The following ADAM28 variants were observed in gnomAD, a reference collection of about 807,000 sequenced individuals.
ADAM28 encodes the protein ADAM metallopeptidase domain 28, also known as disintegrin and metalloproteinase domain-containing protein 28.
A neutral mutation model predicts 101.2 loss-of-function variants in ADAM28; 105 were observed. The observed-to-expected ratio is 1.04, with a 90% CI of 0.89 to 1.22. The LOEUF (loss-of-function observed/expected upper bound fraction) is 1.22. Ranked by LOEUF, ADAM28 falls within the 50% of genes most tolerant of loss-of-function variation. The pLI is 0.00. For missense variants in ADAM28, 1,028 were observed against 945.4 expected (o/e 1.09, Z -1.15); for synonymous variants, 322 against 310.6 (o/e 1.04, Z -0.39).
chr8:24,336,618 A>T lies in ADAM28; in HGVS notation c.1567+977A>T, dbSNP rs572342312. Among the ~76,000 whole-genome samples the T allele has an allele frequency of 9.9e-5, 15 of 151,676 alleles. No homozygotes were observed. In the South Asian group the frequency reaches 3.1e-3, roughly 32 times the overall value. On this transcript the variant is annotated intron_variant, in intron 14 of 22. Transcript: ENST00000265769. ...AAAAAAAGAAAAAAAAAGAAAAATA[A>T]CTTTATTAGAAAGTCAATTTTAGAT...
rs1479237653 is a variant in ADAM28 at position 24,343,191 on chromosome 8, G to C, written c.1911+10G>C. 2 of 1,612,908 alleles carry C rather than the reference G, an allele frequency of 1.2e-6. No individual in the cohort carries two copies. The highest frequency in any genetic ancestry group is 1.7e-6 in the Non-Finnish European group (2 of 1,179,028). Reference sequence around the variant, plus strand: ...GTGCAAAGGACATGCTGTAAGTTCTGAAAATATGTTTCCCTAAGCTCTCTG... The same window carrying C: ...GTGCAAAGGACATGCTGTAAGTTCTCAAAATATGTTTCCCTAAGCTCTCTG... On this transcript the variant is annotated intron_variant, in intron 17 of 22. Transcript: ENST00000265769.
chr8:24,350,610 C>T lies in ADAM28; in HGVS notation c.2100-622C>T, dbSNP rs867753095. On this transcript the variant is annotated intron_variant, in intron 19 of 22. Coordinates refer to ENST00000265769, the MANE Select transcript of ADAM28 (RefSeq NM_014265.6). ...ACAGGTGTGAGTCTCCACACCCGGC[C>T]GTGTGCTAAGCCCTTTTATATCTAT... Among the ~76,000 whole-genome samples, 6 of 152,242 alleles carry T rather than the reference C, an allele frequency of 3.9e-5. No individual in the cohort carries two copies. In the South Asian group the frequency reaches 8.3e-4, roughly 21 times the overall value.
chr8:24,303,382 C>T (rs2129242813), intron 2 of ADAM28, among the ~76,000 whole-genome samples: 1 of 152,200 alleles, frequency 6.6e-6, no homozygotes, highest in Non-Finnish European at 1.5e-5. Context: ...CTCCCAGTAC[C>T]ATTTATTAAA....
intron 1 of ADAM28, among the ~76,000 whole-genome samples, chr8:24,297,360 A>G (rs1563258844): frequency 6.6e-6 from 1 of 152,192 alleles, no homozygotes; most frequent in Non-Finnish European, 1.5e-5. Flanking sequence ...GTCAGGGTGC[A>G]TGTGAGAGAA....
At chr8:24,343,010 AAC>A in intron 16 of ADAM28, 89 bp from the exon 17 acceptor site, 1 of 1,572,174 alleles carries the variant, frequency 6.4e-7, no homozygotes, top group South Asian at 1.2e-5. Flanking sequence ...AGCCACCTTA[AAC>A]AACATCTGCT....
chr8:24,351,200 G>A lies in ADAM28; in HGVS notation c.2100-32G>A, dbSNP rs1286488969. 5 of 1,491,896 alleles carry A rather than the reference G, an allele frequency of 3.4e-6. No homozygotes were observed. In the African/African-American group the frequency reaches 7.2e-5, roughly 21 times the overall value. 92.4% of individuals were successfully genotyped at this position (1,491,896 alleles called of 1,614,324 possible). ...CCTGTCATGCTGAAGGAGCTGCTAA[G>A]TCAATTGATATCATGTGTTTCTCTC... On this transcript the variant is annotated intron_variant, in intron 19 of 22. Coordinates refer to ENST00000265769, the MANE Select transcript of ADAM28 (RefSeq NM_014265.6).
At chr8:24,306,368 ATAT>A (rs1809659240) in intron 2 of ADAM28, among the ~76,000 whole-genome samples, 1 of 137,140 alleles carries the variant, frequency 7.3e-6, no homozygotes, top group African/African-American at 2.8e-5. Flanking sequence ...AAATAAATAT[ATAT>A]ATATATATAT....
chr8:24,344,650 T>C (rs942654685), intron 18 of ADAM28, among the ~76,000 whole-genome samples: 7 of 152,320 alleles, frequency 4.6e-5, no homozygotes, highest in African/African-American at 1.7e-4. Context: ...CCTATGATTT[T>C]ATTATATACA....
intron 12 of ADAM28, 65 bp from the exon 13 acceptor site, chr8:24,332,595 C>A: frequency 2.3e-6 from 2 of 876,006 alleles, no homozygotes; most frequent in Non-Finnish European, 3.4e-6. Flanking sequence ...TAGTATGTTA[C>A]AAATTGTGCT....
At chr8:24,351,111 A>G in intron 19 of ADAM28, 121 bp from the exon 20 acceptor site, 1 of 736,230 alleles carries the variant, frequency 1.4e-6, no homozygotes, top group Non-Finnish European at 2.1e-6. Context: ...GCAGATAAAA[A>G]CCCAGGCAAT....
At chr8:24,350,605 C>A (rs577738929) in intron 19 of ADAM28, among the ~76,000 whole-genome samples, 7 of 152,132 alleles carry the variant, frequency 4.6e-5, no homozygotes, top group African/African-American at 1.7e-4. Flanking sequence ...GTCTCCACAC[C>A]CGGCCGTGTG....
Position 24,333,565 on chromosome 8 carries a change from T to G in ADAM28, c.1371+816T>G, listed in dbSNP as rs557719590. On this transcript the variant is annotated intron_variant, in intron 13 of 22. Transcript: ENST00000265769. ...CTGTTGAGTAGGATAACCCCAAGTG[T>G]GATCATCTCCAAAGCCAAAGCTGGT... 4.8e-4 allele frequency among the ~76,000 whole-genome samples: 73 copies of G among 152,332 alleles called. 1 individual carries two copies. The South Asian group carries it at 0.014, about 29-fold the overall frequency.
chr8:24,332,670 A>G lies in ADAM28; in HGVS notation c.1292A>G (p.Asn431Ser). The G allele has an allele frequency of 6.6e-7, 1 of 1,510,996 alleles. No individual in the cohort carries two copies. Among genetic ancestry groups the G allele is most frequent in the Non-Finnish European group, 8.9e-7 (1 of 1,120,468 alleles). 93.6% of individuals were successfully genotyped at this position (1,510,996 alleles called of 1,614,324 possible). A position where few individuals can be genotyped will look rare whatever the true frequency, so the allele number is the denominator to read the frequency against. ...TCTCATATTTCTTAGGAATGTACCA[A>G]TATTTGCTGTGATGCTAAGACATGT... is the stretch of plus-strand genomic sequence containing the variant. ...CDCGTSEECT[N>S]ICCDAKTCKI... Residue 431 changes from asparagine to serine, a missense_variant, in exon 13 of 23, where the codon AAT becomes AGT. Asn to Ser is a conservative substitution (Grantham distance 46, BLOSUM62 1). Coordinates refer to ENST00000265769, the MANE Select transcript of ADAM28 (RefSeq NM_014265.6).
chr8:24,355,541 A>G lies in ADAM28; in HGVS notation c.*1137A>G, dbSNP rs1254777382. On this transcript the variant is annotated 3_prime_UTR_variant, in exon 23 of 23. Transcript: ENST00000265769. ...CCTTTTTTTTTTTGCTAGTAAGACGACAGAGGAATTATGTTACAACACTTC... is the reference window on the plus strand; with the variant it reads ...CCTTTTTTTTTTTGCTAGTAAGACGGCAGAGGAATTATGTTACAACACTTC... The G allele has an allele frequency of 6.6e-6, 1 of 151,464 alleles. No individual in the cohort carries two copies. The highest frequency in any genetic ancestry group is 1.5e-5 in the Non-Finnish European group (1 of 67,868). The allele number at this position is 151,464 out of a possible 1,614,324, so 9.4% of individuals were successfully genotyped here. A position where few individuals can be genotyped will look rare whatever the true frequency, so the allele number is the denominator to read the frequency against.
intron 1 of ADAM28, among the ~76,000 whole-genome samples, chr8:24,297,120 T>C (rs1164785618): frequency 1.3e-5 from 2 of 151,950 alleles, no homozygotes; most frequent in African/African-American, 2.4e-5. Flanking sequence ...ACTGAAGAGA[T>C]TGAGAGGTTG....
At chr8:24,336,111 AAAAAG>A (rs1814016229) in intron 14 of ADAM28, 1 of 986,652 alleles carries the variant, frequency 1.0e-6, no homozygotes, top group South Asian at 4.7e-5. Context: ...AAAAGATGGA[AAAAAG>A]AAAAGAACTC....
At chr8:24,299,127 A>T (rs1808370714) in intron 1 of ADAM28, among the ~76,000 whole-genome samples, 1 of 151,950 alleles carries the variant, frequency 6.6e-6, no homozygotes, top group Non-Finnish European at 1.5e-5. Context: ...CAGGATGTTG[A>T]GGCTGCAGTG....
At position 24,326,653 on chromosome 8, in the gene ADAM28, C is replaced by G; in HGVS notation, c.972+18C>G. 1.9e-6 allele frequency: 3 copies of G among 1,597,698 alleles called. No homozygotes were observed. The highest frequency in any genetic ancestry group is 2.6e-6 in the Non-Finnish European group (3 of 1,169,656). On this transcript the variant is annotated intron_variant, in intron 10 of 22. Coordinates refer to ENST00000265769, the MANE Select transcript of ADAM28 (RefSeq NM_014265.6). ...TTGTTCAGGTCTGTATGATGATAAA[C>G]TGTTGGTTCTATGATTTACATTTAT...
chr8:24,324,102 T>C, intron 9 of ADAM28, 99 bp downstream of exon 9: 1 of 1,100,714 alleles, frequency 9.1e-7, no homozygotes, highest in Admixed American at 2.3e-5. Flanking sequence ...GGGTAGACAT[T>C]TATAGAGCAC....
Sources: allele counts gnomAD v4.1 joint callset (sites outside exome capture counted in the v4.1 genomes callset), GRCh38; gene constraint gnomAD v4.1.1; transcripts MANE v1.5; gene names NCBI Gene and HGNC (gene_info 2026-07-23, HGNC 2026-07-21).